The following SLC8A1 variants were observed in gnomAD, a reference collection of about 807,000 sequenced individuals.
SLC8A1 encodes solute carrier family 8 member A1.
In SLC8A1, 18 loss-of-function variants were observed where a neutral mutation model predicts 68.3. The ratio of observed to expected loss-of-function variants is 0.26; its 90% CI spans 0.18 to 0.39. The LOEUF (loss-of-function observed/expected upper bound fraction) is 0.39. Ranked by LOEUF, SLC8A1 falls within the 10% of genes least tolerant of loss-of-function variation. The pLI is 1.00. For synonymous variants in SLC8A1, 475 were observed against 415.5 expected, an observed-to-expected ratio of 1.14 and a Z score of -1.74; for missense variants, 985 against 1,156.7, an observed-to-expected ratio of 0.85 and a Z score of 2.15.
chr2:40,347,515 AT>A lies in SLC8A1; in HGVS notation c.1808+80957del, dbSNP rs1309977249. On this transcript the variant is annotated intron_variant, in intron 2 of 7. Transcript: ENST00000406785. Reference sequence around the variant, plus strand: ...TATATGACATACAAGTTACTGAGTTATCCTCTCTGACTCTCAGTTCCCATAT... The same window carrying A: ...TATATGACATACAAGTTACTGAGTTACCTCTCTGACTCTCAGTTCCCATAT... Among the ~76,000 whole-genome samples, 5 of 152,190 alleles carry A rather than the reference AT, an allele frequency of 3.3e-5. No individual in the cohort carries two copies. The East Asian group carries it at 9.6e-4, about 29-fold the overall frequency.
intron 2 of SLC8A1, among the ~76,000 whole-genome samples, chr2:40,354,768 C>G (rs1046440718): frequency 6.6e-6 from 1 of 152,170 alleles, no homozygotes; most frequent in African/African-American, 2.4e-5. Flanking sequence ...AAAAAGTTCT[C>G]ACATTTGACA....
At chr2:40,281,731 C>G (rs2067558534) in intron 2 of SLC8A1, among the ~76,000 whole-genome samples, 1 of 152,176 alleles carries the variant, frequency 6.6e-6, no homozygotes. Flanking sequence ...AAACTGATTT[C>G]TTTTTAAGGA....
chr2:40,107,095 CCAT>C (rs2034244349), exon 8 of SLC8A1: 1 of 151,620 alleles, frequency 6.6e-6, no homozygotes, highest in Non-Finnish European at 1.5e-5. Flanking sequence ...GGCAGAGGAC[CCAT>C]GTGGTCAAAG....
At chr2:40,423,071 A>G (rs527605977) in intron 2 of SLC8A1, among the ~76,000 whole-genome samples, 17 of 152,262 alleles carry the variant, frequency 1.1e-4, no homozygotes, top group Non-Finnish European at 2.1e-4. Context: ...ACAAATAGCA[A>G]TCCTTTAAAG....
chr2:40,313,866 A>T (rs910280495), intron 2 of SLC8A1, among the ~76,000 whole-genome samples: 3 of 151,950 alleles, frequency 2.0e-5, no homozygotes, highest in Non-Finnish European at 2.9e-5. Flanking sequence ...TATTTGACCA[A>T]TTTTTTGCTG....
intron 2 of SLC8A1, chr2:40,337,294 G>A (rs1300769308): frequency 1.7e-5 from 6 of 349,794 alleles, no homozygotes; most frequent in Non-Finnish European, 3.9e-5. Flanking sequence ...ATTTTAGTAT[G>A]TTTATGCATC....
chr2:40,340,015 T>G (rs80144733), intron 2 of SLC8A1, among the ~76,000 whole-genome samples: 2,279 of 152,316 alleles, frequency 0.015, 65 homozygotes, highest in African/African-American at 0.052. Context: ...CCACTGACTA[T>G]AAGTAGTCAT....
intron 3 of SLC8A1, 96 bp from the exon 5 acceptor site, chr2:40,174,938 C>G (rs748079082): frequency 8.9e-7 from 1 of 1,128,964 alleles, no homozygotes; most frequent in African/African-American, 1.6e-5. Context: ...ACCCAAGGTA[C>G]TTGCCAAATT....
intron 1 of SLC8A1, among the ~76,000 whole-genome samples, chr2:40,437,123 A>G (rs939118268): frequency 2.0e-5 from 3 of 152,212 alleles, no homozygotes; most frequent in East Asian, 3.9e-4. Context: ...CTAGAGTCAT[A>G]TATACTTAAG....
rs138802832 is a variant in SLC8A1 at position 40,313,003 on chromosome 2, T to C, written c.1808+115470A>G. 7.4e-3 allele frequency among the ~76,000 whole-genome samples: 1,125 copies of C among 152,166 alleles called. 16 individuals carry two copies. The highest frequency in any genetic ancestry group is 0.026 in the African/African-American group (1,064 of 41,540). On this transcript the variant is annotated intron_variant, in intron 2 of 7. Transcript: ENST00000406785. ...AATATATGTATACATATGCTGCATA[T>C]ACTACGTATATACACACACACACAT...
chr2:40,182,950 C>G (rs1038524133), intron 2 of SLC8A1, among the ~76,000 whole-genome samples: 3 of 152,122 alleles, frequency 2.0e-5, no homozygotes, highest in African/African-American at 7.2e-5. Context: ...ATTTTAGATC[C>G]TTACACAAAA....
At chr2:40,203,293 T>A (rs1396376992) in intron 2 of SLC8A1, among the ~76,000 whole-genome samples, 1 of 151,920 alleles carries the variant, frequency 6.6e-6, no homozygotes, top group Non-Finnish European at 1.5e-5. Flanking sequence ...TCAGAGTATA[T>A]CCAGAGACAA....
At chr2:40,477,545 G>A (rs1383187225) in intron 1 of SLC8A1, among the ~76,000 whole-genome samples, 6 of 152,158 alleles carry the variant, frequency 3.9e-5, no homozygotes, top group African/African-American at 1.4e-4. Context: ...GACTCTTGAT[G>A]TTTTGCGGAA....
At chr2:40,201,267 T>A (rs1221263997) in intron 2 of SLC8A1, among the ~76,000 whole-genome samples, 2 of 151,976 alleles carry the variant, frequency 1.3e-5, no homozygotes, top group Non-Finnish European at 2.9e-5. Context: ...ATGTTTTCAA[T>A]TTCTTGTGAC....
intron 1 of SLC8A1, among the ~76,000 whole-genome samples, chr2:40,491,030 G>A (rs932210326): frequency 5.9e-5 from 9 of 152,024 alleles, no homozygotes; most frequent in Non-Finnish European, 1.0e-4. Flanking sequence ...AAACCAACAC[G>A]AAAGTGTCTC....
At chr2:40,361,887 C>CCT (rs1674732734) in intron 2 of SLC8A1, among the ~76,000 whole-genome samples, 1 of 53,104 alleles carries the variant, frequency 1.9e-5, no homozygotes, top group Non-Finnish European at 3.3e-5. Context: ...CTTTTCTTTC[C>CCT]TTTTTTTTTT....
intron 2 of SLC8A1, among the ~76,000 whole-genome samples, chr2:40,308,250 G>C (rs2073028048): frequency 1.3e-5 from 2 of 152,062 alleles, no homozygotes. Context: ...AAAAAACCTT[G>C]AATCAAATTG....
chr2:40,496,047 A>G (rs1323421341), intron 1 of SLC8A1, among the ~76,000 whole-genome samples: 4 of 151,336 alleles, frequency 2.6e-5, no homozygotes, highest in Non-Finnish European at 4.4e-5. Context: ...TCTTTGGAAA[A>G]CTCTTTCAGC....
chr2:40,188,364 A>G (rs1294951581), intron 2 of SLC8A1, among the ~76,000 whole-genome samples: 2 of 152,238 alleles, frequency 1.3e-5, no homozygotes, highest in African/African-American at 4.8e-5. Flanking sequence ...GAAATGAAAC[A>G]CATCAACATC....
Sources: allele counts gnomAD v4.1 joint callset (sites outside exome capture counted in the v4.1 genomes callset), GRCh38; gene constraint gnomAD v4.1.1; transcripts MANE v1.5; gene names NCBI Gene and HGNC (gene_info 2026-07-23, HGNC 2026-07-21).